SH3PXD2A: variants seen among roughly 807,000 people sequenced by gnomAD.
The protein encoded by SH3PXD2A is SH3 and PX domains 2A.
Under a neutral mutation model 115.2 loss-of-function variants are expected in SH3PXD2A, and 32 were observed. The observed-to-expected ratio is 0.28, with a 90% CI of 0.21 to 0.37. The LOEUF (loss-of-function observed/expected upper bound fraction) is 0.37. Among genes scored for constraint, SH3PXD2A ranks in the 10% least tolerant of loss-of-function variants. SH3PXD2A has a pLI of 1.00. For missense variants in SH3PXD2A, 1,328 were observed against 1,498.7 expected (o/e 0.89, Z 1.88); for synonymous variants, 610 against 629.1 (o/e 0.97, Z 0.45).
In SH3PXD2A at chr10:103,614,898, C is replaced by T. The variant is rs753327453; in HGVS notation, c.921-1708G>A. Among the ~76,000 whole-genome samples the T allele has an allele frequency of 7.9e-4, 120 of 152,318 alleles. 5 individuals are homozygous for T. Among genetic ancestry groups the T allele is most frequent in the Admixed American group, 3.3e-4 (5 of 15,292 alleles). ...AGCTCAGGTAGGAGGTGGCTCCTTA[C>T]GTTCTGTCACAGAAACATGCAGGCA... On this transcript the variant is annotated intron_variant, in intron 11 of 14. Coordinates refer to ENST00000369774, the MANE Select transcript of SH3PXD2A (RefSeq NM_001394015.1).
In SH3PXD2A at chr10:103,620,174, C is replaced by T. The variant is rs1295306577; in HGVS notation, c.802+2296G>A. Among the ~76,000 whole-genome samples, 9 of 152,142 alleles carry T rather than the reference C, an allele frequency of 5.9e-5. No individual in the cohort carries two copies. Among genetic ancestry groups the T allele is most frequent in the South Asian group, 2.1e-4 (1 of 4,830 alleles). Reference sequence around the variant, plus strand: ...AGGGTCTTGGGAAGAGATGTCCCGTCGGAAATGGGGTTGAGGGAAGGGAGG... The same window carrying T: ...AGGGTCTTGGGAAGAGATGTCCCGTTGGAAATGGGGTTGAGGGAAGGGAGG... On this transcript the variant is annotated intron_variant, in intron 10 of 14. Transcript: ENST00000369774. The surrounding 1 kb of genome is among the most constrained non-coding windows in gnomAD (Gnocchi z 5.3).
At chr10:103,748,745 G>A (rs770618187) in intron 3 of SH3PXD2A, among the ~76,000 whole-genome samples, 12 of 152,258 alleles carry the variant, frequency 7.9e-5, no homozygotes, top group East Asian at 5.8e-4. Flanking sequence ...CAGTGGGTAC[G>A]TGCATCAGGA....
intron 1 of SH3PXD2A, among the ~76,000 whole-genome samples, chr10:103,839,676 G>A (rs1430870988): frequency 2.0e-5 from 3 of 149,242 alleles, no homozygotes; most frequent in Admixed American, 6.7e-5. Context: ...TGGGATTCCC[G>A]TCAGGCAGTC....
chr10:103,774,090 T>G (rs929777129), intron 2 of SH3PXD2A, among the ~76,000 whole-genome samples: 1 of 152,208 alleles, frequency 6.6e-6, no homozygotes, highest in African/African-American at 2.4e-5. Context: ...AATCTGTAAG[T>G]TGATAATTTT....
At chr10:103,677,604 A>G (rs1478098062) in intron 6 of SH3PXD2A, among the ~76,000 whole-genome samples, 2 of 152,080 alleles carry the variant, frequency 1.3e-5, no homozygotes, top group Non-Finnish European at 2.9e-5. Flanking sequence ...CCTGGGCAGG[A>G]TCTTTGTTCA....
chr10:103,690,281 A>G (rs1217224671), intron 6 of SH3PXD2A, among the ~76,000 whole-genome samples: 1 of 152,194 alleles, frequency 6.6e-6, no homozygotes. Context: ...ACATGCTTAC[A>G]TATATTAGTT....
At chr10:103,606,706 G>C (rs1275007918) in intron 13 of SH3PXD2A, among the ~76,000 whole-genome samples, 1 of 152,108 alleles carries the variant, frequency 6.6e-6, no homozygotes, top group African/African-American at 2.4e-5. Flanking sequence ...TGTGTTGGCC[G>C]GGCTGGTCTC....
chr10:103,596,661 A>ACTCTCTCTCTCTCTCTCTCT lies in SH3PXD2A; in HGVS notation c.*5154_*5155insAGAGAGAGAGAGAGAGAGAG, dbSNP rs1271125442. On this transcript the variant is annotated 3_prime_UTR_variant, in exon 15 of 15. Transcript: ENST00000369774. ...CACACACACACACACACACACACAC[A>ACTCTCTCTCTCTCTCTCTCT]CACTCTCTCTCTCTCTCTCTCTCTC... The ACTCTCTCTCTCTCTCTCTCT allele has an allele frequency of 3.0e-4, 11 of 37,030 alleles. No homozygotes were observed. Among genetic ancestry groups the ACTCTCTCTCTCTCTCTCTCT allele is most frequent in the Non-Finnish European group, 4.4e-4 (6 of 13,722 alleles). 2.3% of individuals were successfully genotyped at this position (37,030 alleles called of 1,614,324 possible).
At chr10:103,822,548 G>T (rs743246) in intron 1 of SH3PXD2A, among the ~76,000 whole-genome samples, 8 of 145,674 alleles carry the variant, frequency 5.5e-5, no homozygotes, top group Non-Finnish European at 1.2e-4. Context: ...AGGGCATGGT[G>T]GGGGGGGAGC....
intron 5 of SH3PXD2A, among the ~76,000 whole-genome samples, chr10:103,723,054 C>T (rs903080264): frequency 3.9e-5 from 6 of 152,182 alleles, no homozygotes; most frequent in Non-Finnish European, 8.8e-5. Context: ...TCTACAACCT[C>T]ATGGGCACAT....
intron 5 of SH3PXD2A, among the ~76,000 whole-genome samples, chr10:103,715,983 A>G (rs1417454016): frequency 1.3e-5 from 2 of 152,112 alleles, no homozygotes; most frequent in Non-Finnish European, 2.9e-5. Flanking sequence ...CCACAATTTT[A>G]CCATGCAGTC....
intron 5 of SH3PXD2A, among the ~76,000 whole-genome samples, chr10:103,697,390 C>G (rs1165963618): frequency 6.6e-6 from 1 of 152,200 alleles, no homozygotes; most frequent in African/African-American, 2.4e-5. Flanking sequence ...CTGTTTAAAC[C>G]TGGGTCCTAC....
At chr10:103,726,813 C>T (rs537203080) in intron 4 of SH3PXD2A, among the ~76,000 whole-genome samples, 2 of 152,272 alleles carry the variant, frequency 1.3e-5, no homozygotes, top group South Asian at 4.1e-4. Flanking sequence ...ATGGGCCCTT[C>T]TCGATGCCAA....
At chr10:103,738,063 C>T (rs1044318007) in intron 3 of SH3PXD2A, among the ~76,000 whole-genome samples, 5 of 152,198 alleles carry the variant, frequency 3.3e-5, no homozygotes, top group Non-Finnish European at 7.3e-5. Flanking sequence ...ATTCTTGTTC[C>T]TCTCCTGGAC....
intron 5 of SH3PXD2A, among the ~76,000 whole-genome samples, chr10:103,714,783 A>G (rs1462334488): frequency 6.6e-6 from 1 of 152,250 alleles, no homozygotes; most frequent in Non-Finnish European, 1.5e-5. Flanking sequence ...CTGCAAGGAC[A>G]GTGTGGCCCA....
intron 4 of SH3PXD2A, among the ~76,000 whole-genome samples, chr10:103,726,897 C>T (rs2038247988): frequency 6.6e-6 from 1 of 152,176 alleles, no homozygotes; most frequent in Non-Finnish European, 1.5e-5. Flanking sequence ...CTCAGTCATT[C>T]CTTTCAGGGG....
intron 6 of SH3PXD2A, among the ~76,000 whole-genome samples, chr10:103,685,337 CAA>C (rs775424414): frequency 0.014 from 797 of 56,334 alleles, 2 homozygotes; most frequent in Non-Finnish European, 0.02. Context: ...AACTCTGTCT[CAA>C]AAAAAAAAAA....
intron 2 of SH3PXD2A, among the ~76,000 whole-genome samples, chr10:103,776,697 C>T (rs1212188668): frequency 2.0e-5 from 3 of 152,010 alleles, no homozygotes; most frequent in Non-Finnish European, 2.9e-5. Context: ...AAAAGGAGAA[C>T]CTTGATCTCT....
intron 2 of SH3PXD2A, among the ~76,000 whole-genome samples, chr10:103,769,173 T>TGC (rs1294417647): frequency 4.3e-4 from 45 of 104,530 alleles, no homozygotes; most frequent in African/African-American, 1.8e-3. Flanking sequence ...TGTGTGTGTG[T>TGC]GTGTGTGTGC....
Sources: gnomAD v4.1 joint callset for allele counts (sites outside exome capture counted in the v4.1 genomes callset) on GRCh38, gnomAD v4.1.1 for gene constraint, Gnocchi (gnomAD v3.1) non-coding constraint, MANE v1.5 for transcripts, NCBI Gene and HGNC (gene_info 2026-07-23, HGNC 2026-07-21) for gene names.